Variants in COL6A5 observed in about 807,000 individuals in gnomAD.
COL6A5 encodes the protein collagen type VI alpha 5 chain.
COL6A5 carries 48 observed loss-of-function variants against 65.6 expected under a neutral mutation model. The observed-to-expected ratio is 0.73, with a 90% CI of 0.58 to 0.93. The LOEUF (loss-of-function observed/expected upper bound fraction) is 0.93. Ranked by LOEUF, COL6A5 falls within the 40% of genes least tolerant of loss-of-function variation. The probability of loss-of-function intolerance (pLI) is 0.00; values close to 1 mark genes in which losing one functional copy is unlikely to be tolerated. For missense variants in COL6A5, 914 were observed against 928.3 expected, an observed-to-expected ratio of 0.98 and a Z score of 0.20; for synonymous variants, 291 against 322.8, an observed-to-expected ratio of 0.90 and a Z score of 1.05.
intron 3 of COL6A5, 119 bp from the exon 4 acceptor site, chr3:130,379,299 T>C: frequency 1.1e-6 from 1 of 930,998 alleles, no homozygotes; most frequent in Non-Finnish European, 1.6e-6. Context: ...AAAACGATGC[T>C]GTCTACATCC....
intron 2 of COL6A5, among the ~76,000 whole-genome samples, chr3:130,375,481 G>A (rs57638371): frequency 2.7e-3 from 414 of 151,854 alleles, no homozygotes; most frequent in East Asian, 6.2e-3. Context: ...TACATTGCGC[G>A]CCCTCAATCA....
intron 4 of COL6A5, among the ~76,000 whole-genome samples, chr3:130,382,015 G>A (rs1936011854): frequency 2.0e-5 from 3 of 151,874 alleles, no homozygotes; most frequent in Admixed American, 2.0e-4. Flanking sequence ...AGAAGCAGAT[G>A]CCTGGCAAAA....
intron 1 of COL6A5, among the ~76,000 whole-genome samples, chr3:130,348,998 G>A (rs1353211670): frequency 6.6e-6 from 1 of 151,808 alleles, no homozygotes; most frequent in African/African-American, 2.4e-5. Flanking sequence ...TTAAGTTCAA[G>A]GAACCATTCT....
intron 5 of COL6A5, among the ~76,000 whole-genome samples, chr3:130,466,645 A>G (rs1709824611): frequency 6.6e-6 from 1 of 151,950 alleles, no homozygotes; most frequent in Non-Finnish European, 1.5e-5. Context: ...GAAATTGAAA[A>G]AAGAAAAACA....
At chr3:130,469,367 G>A in exon 6 of COL6A5, 2 of 1,612,914 alleles carry the variant, frequency 1.2e-6, no homozygotes, top group Non-Finnish European at 1.7e-6. Flanking sequence ...CAAAGAATTA[G>A]AAGAATTAGC....
At chr3:130,461,595 T>C (rs1038799952) in intron 5 of COL6A5, among the ~76,000 whole-genome samples, 1 of 151,992 alleles carries the variant, frequency 6.6e-6, no homozygotes, top group Non-Finnish European at 1.5e-5. Flanking sequence ...CTTTTAACAA[T>C]GTATGCCATG....
chr3:130,472,011 A>C (rs369638734), intron 7 of COL6A5, 85 bp downstream of exon 40: 30 of 1,254,266 alleles, frequency 2.4e-5, no homozygotes, highest in East Asian at 1.3e-4. Flanking sequence ...GTTAGAATTC[A>C]CTGGGAGAGG....
chr3:130,469,108 C>G, exon 6 of COL6A5: 1 of 1,612,988 alleles, frequency 6.2e-7, no homozygotes, highest in Non-Finnish European at 8.5e-7. Context: ...ACAGTATACA[C>G]CAAATGAAAC....
intron 1 of COL6A5, among the ~76,000 whole-genome samples, chr3:130,436,112 A>T (rs1354682475): frequency 2.0e-5 from 3 of 152,024 alleles, no homozygotes; most frequent in African/African-American, 7.2e-5. Flanking sequence ...AATCTCTATA[A>T]ATCTGATTTT....
intron 1 of COL6A5, among the ~76,000 whole-genome samples, chr3:130,347,574 T>C (rs1934534206): frequency 6.6e-6 from 1 of 152,184 alleles, no homozygotes; most frequent in Non-Finnish European, 1.5e-5. Flanking sequence ...TGTTCATAAG[T>C]ATTCAATGAG....
intron 1 of COL6A5, among the ~76,000 whole-genome samples, chr3:130,372,307 C>T (rs921676657): frequency 6.6e-6 from 1 of 151,760 alleles, no homozygotes; most frequent in African/African-American, 2.4e-5. Flanking sequence ...ATATTTCACT[C>T]CTAGGTACCT....
intron 7 of COL6A5, chr3:130,471,750 CACA>C: frequency 6.5e-7 from 1 of 1,534,328 alleles, no homozygotes; most frequent in Non-Finnish European, 8.7e-7. Flanking sequence ...GATTCCCAGG[CACA>C]ACATCTCCTT....
intron 7 of COL6A5, 67 bp from the exon 8 acceptor site, chr3:130,394,823 T>C (rs945072700): frequency 4.3e-6 from 5 of 1,157,144 alleles, no homozygotes; most frequent in Non-Finnish European, 6.1e-6. Context: ...GCAATTTAAG[T>C]ATATGAGGAA....
exon 7 of COL6A5, chr3:130,391,516 G>T (rs78887002): frequency 1.3e-6 from 2 of 1,551,614 alleles, no homozygotes; most frequent in African/African-American, 2.7e-5. Context: ...ATGTGAAGCA[G>T]ATGCTGATTG....
In COL6A5 at chr3:130,446,739, A is replaced by G. The variant is rs571436247; in HGVS notation, c.1332+3173A>G. Among the ~76,000 whole-genome samples the G allele has an allele frequency of 3.3e-5, 5 of 152,094 alleles. No homozygotes were observed. The South Asian group carries it at 1.0e-3, about 32-fold the overall frequency. Reference sequence around the variant, plus strand: ...TGGGTACCCAGACAGGGGATTGATGATCTCCCGGTGAAACACAAGTATATC... The same window carrying G: ...TGGGTACCCAGACAGGGGATTGATGGTCTCCCGGTGAAACACAAGTATATC... On this transcript the variant is annotated intron_variant, in intron 4 of 7. Transcript: ENST00000512836.
At chr3:130,438,083 C>T (rs919569290) in intron 1 of COL6A5, among the ~76,000 whole-genome samples, 6 of 152,118 alleles carry the variant, frequency 3.9e-5, no homozygotes, top group Admixed American at 6.5e-5. Context: ...ACTGTAACCT[C>T]GGCCTCCTGG....
At chr3:130,474,884 A>G (rs1048506568) in intron 7 of COL6A5, among the ~76,000 whole-genome samples, 8 of 151,610 alleles carry the variant, frequency 5.3e-5, no homozygotes, top group East Asian at 1.9e-4. Context: ...TCACTTGTAC[A>G]TAGTCCCAGG....
intron 1 of COL6A5, among the ~76,000 whole-genome samples, chr3:130,372,313 T>A (rs2107633705): frequency 6.6e-6 from 1 of 152,062 alleles, no homozygotes; most frequent in Admixed American, 6.6e-5. Context: ...CACTCCTAGG[T>A]ACCTAGTCCA....
At chr3:130,428,218 G>A (rs964990807), upstream of COL6A5, among the ~76,000 whole-genome samples, 5 of 152,136 alleles carry the variant, frequency 3.3e-5, no homozygotes, top group South Asian at 2.1e-4. Context: ...TGGATAACAC[G>A]GAACTCCAGG....
Sources: gnomAD v4.1 joint callset for allele counts (sites outside exome capture counted in the v4.1 genomes callset) on GRCh38, gnomAD v4.1.1 for gene constraint, MANE v1.5 for transcripts, NCBI Gene and HGNC (gene_info 2026-07-23, HGNC 2026-07-21) for gene names.